The following CAND2 variants were observed in gnomAD, a reference collection of about 807,000 sequenced individuals.
The protein encoded by CAND2 is cullin-associated NEDD8-dissociated protein 2.
Under a neutral mutation model 98.9 loss-of-function variants are expected in CAND2, and 62 were observed. The ratio of observed to expected loss-of-function variants is 0.63; its 90% CI spans 0.51 to 0.77. The LOEUF (loss-of-function observed/expected upper bound fraction) is 0.77, where lower values mean the gene tolerates loss of function less well. CAND2 is among the 30% of genes least tolerant of loss of function. The pLI, the probability that CAND2 is intolerant of heterozygous loss-of-function variation, is 0.00. For missense variants in CAND2, 1,501 were observed against 1,655.2 expected (o/e 0.91, Z 1.62); for synonymous variants, 770 against 731.9 (o/e 1.05, Z -0.84).
chr3:12,811,202 G>T (rs1166239105), intron 5 of CAND2, among the ~76,000 whole-genome samples: 1 of 152,172 alleles, frequency 6.6e-6, no homozygotes, highest in Non-Finnish European at 1.5e-5. Flanking sequence ...AGCCATCCTT[G>T]GTTGCATGGA....
chr3:12,817,162 C>T lies in CAND2; in HGVS notation c.2230C>T (p.Leu744=), dbSNP rs878990949. 1 of 1,612,792 alleles carries T rather than the reference C, an allele frequency of 6.2e-7. No individual in the cohort carries two copies. Among genetic ancestry groups the T allele is most frequent in the Non-Finnish European group, 8.5e-7 (1 of 1,179,958 alleles). ...GPVLSELLRL[L]RSPLLPAGVL... is the part of the protein sequence containing the mutation. ...TGTGCTCTCAGAGCTGCTGCGGCTG[C>T]TGCGTTCGCCCCTGTTGCCAGCCGG... The change falls in exon 10 of 15, where the codon CTG becomes TTG. Residue 744 remains leucine, a synonymous_variant. Coordinates refer to ENST00000456430, the MANE Select transcript of CAND2 (RefSeq NM_001162499.2).
intron 13 of CAND2, among the ~76,000 whole-genome samples, chr3:12,830,001 C>T (rs2062040015): frequency 6.6e-6 from 1 of 152,156 alleles, no homozygotes; most frequent in Admixed American, 6.5e-5. Flanking sequence ...ACGGTGTGAT[C>T]GGTGGGCTTC....
intron 3 of CAND2, among the ~76,000 whole-genome samples, chr3:12,807,773 G>A (rs2124841098): frequency 6.6e-6 from 1 of 152,302 alleles, no homozygotes; most frequent in Admixed American, 6.5e-5. Flanking sequence ...TCATTTAGTG[G>A]CTCAATGTTG....
In CAND2 at chr3:12,813,325, A is replaced by T. The variant is rs749406971; in HGVS notation, c.943A>T (p.Asn315Tyr). ...LQYIKHDPNYNYDSDEDEEQM... is the reference protein window; with the variant it reads ...LQYIKHDPNYYYDSDEDEEQM... Reference sequence around the variant, plus strand: ...ATACATAAAACACGACCCCAACTACAACTACGACAGTGATGAGGATGAGGA... The same window carrying T: ...ATACATAAAACACGACCCCAACTACTACTACGACAGTGATGAGGATGAGGA... The change falls in exon 7 of 15, where the codon AAC (asparagine) becomes TAC (tyrosine). Residue 315 changes from asparagine to tyrosine, a missense_variant. Transcript: ENST00000456430. 2.5e-6 allele frequency: 4 copies of T among 1,614,160 alleles called. No homozygotes were observed. Among genetic ancestry groups the T allele is most frequent in the Non-Finnish European group, 3.4e-6 (4 of 1,180,030 alleles).
Position 12,815,270 on chromosome 3 carries a change from C to T in CAND2, c.1136C>T (p.Pro379Leu). 1 of 1,613,972 alleles carries T rather than the reference C, an allele frequency of 6.2e-7. No individual in the cohort carries two copies. The highest frequency in any genetic ancestry group is 8.5e-7 in the Non-Finnish European group (1 of 1,180,050). The change falls in exon 8 of 15, where the codon CCT becomes CTT. Residue 379 changes from proline to leucine, a missense_variant. Pro to Leu is a moderately conservative substitution (Grantham distance 98). Around this residue, in one of 3 missense-constraint regions of CAND2, gnomAD observed 1,427 missense variants for 1,545.3 expected, o/e 0.92. Coordinates refer to ENST00000456430, the MANE Select transcript of CAND2 (RefSeq NM_001162499.2). This position sits in a 1 kb window ranked among gnomAD's most constrained non-coding sequence, Gnocchi z 5.7. Reference protein sequence around the residue: ...LLPDFHCTLAPVLIRRFKERE... With the variant: ...LLPDFHCTLALVLIRRFKERE... ...CCCGATTTCCACTGCACCCTGGCAC[C>T]TGTGCTCATCCGCCGCTTCAAAGAA...
intron 4 of CAND2, among the ~76,000 whole-genome samples, chr3:12,809,212 G>A (rs1355099959): frequency 1.3e-5 from 2 of 152,012 alleles, no homozygotes; most frequent in Non-Finnish European, 2.9e-5. Context: ...GGTGCACTCC[G>A]GGAGCCAGCA....
intron 1 of CAND2, among the ~76,000 whole-genome samples, chr3:12,802,742 A>C (rs1439305111): frequency 6.6e-6 from 1 of 152,184 alleles, no homozygotes; most frequent in Non-Finnish European, 1.5e-5. Flanking sequence ...TGAGAAGTGC[A>C]TCCTTAGGCG....
At chr3:12,821,475 C>T (rs562288409) in intron 11 of CAND2, among the ~76,000 whole-genome samples, 1 of 152,194 alleles carries the variant, frequency 6.6e-6, no homozygotes, top group African/African-American at 2.4e-5. Flanking sequence ...AAGGGGCCAG[C>T]AGACGTGACC....
Position 12,817,594 on chromosome 3 carries a change from G to A in CAND2, c.2662G>A (p.Val888Met). ...RAAASYALGR[V>M]GAGSLPDFLP... Reference sequence around the variant, plus strand: ...TGCAGCCTCGTATGCACTGGGCCGTGTGGGTGCTGGCAGCCTGCCCGACTT... The same window carrying A: ...TGCAGCCTCGTATGCACTGGGCCGTATGGGTGCTGGCAGCCTGCCCGACTT... The change falls in exon 10 of 15, where the codon GTG becomes ATG. Residue 888 changes from valine (V) to methionine (M), a missense_variant. This residue lies in a region of CAND2 where 1,427 missense variants were observed against 1,545.3 expected (regional missense o/e 0.92). Transcript: ENST00000456430. 1 of 1,613,892 alleles carries A rather than the reference G, an allele frequency of 6.2e-7. No individual in the cohort carries two copies. Among genetic ancestry groups the A allele is most frequent in the Non-Finnish European group, 8.5e-7 (1 of 1,180,012 alleles).
At chr3:12,828,883 T>C (rs1489696862) in intron 13 of CAND2, among the ~76,000 whole-genome samples, 1 of 152,258 alleles carries the variant, frequency 6.6e-6, no homozygotes, top group Non-Finnish European at 1.5e-5. Flanking sequence ...GGTTCATCCA[T>C]GTTGCAGCAT....
Position 12,816,636 on chromosome 3 carries a change from A to G in CAND2, c.1704A>G (p.Gly568=). The change falls in exon 10 of 15, where the codon GGA becomes GGG. Residue 568 remains glycine, a synonymous_variant. Coordinates refer to ENST00000456430, the MANE Select transcript of CAND2 (RefSeq NM_001162499.2). ...PRMLDPEPYV[G]EMSAVTLARL... ...TGCTGGATCCTGAGCCATATGTTGG[A>G]GAGATGTCTGCTGTCACCCTGGCGC... 1 of 1,613,782 alleles carries G rather than the reference A, an allele frequency of 6.2e-7. No homozygotes were observed. The highest frequency in any genetic ancestry group is 1.1e-5 in the South Asian group (1 of 91,076).
intron 2 of CAND2, 47 bp from the exon 3 acceptor site, chr3:12,807,259 A>G (rs890036666): frequency 1.3e-6 from 2 of 1,529,476 alleles, no homozygotes; most frequent in South Asian, 2.4e-5. Flanking sequence ...AGCCTGACTC[A>G]GGCTGAACCT....
At position 12,817,587 on chromosome 3, in the gene CAND2, G is replaced by T. The variant is rs745744400; in HGVS notation, c.2655G>T (p.Leu885=). The T allele has an allele frequency of 7.4e-6, 12 of 1,613,788 alleles. No individual in the cohort carries two copies. Among genetic ancestry groups the T allele is most frequent in the Non-Finnish European group, 1.0e-5 (12 of 1,180,030 alleles). Residue 885 remains leucine, a synonymous_variant, in exon 10 of 15, where the codon CTG becomes CTT. Coordinates refer to ENST00000456430, the MANE Select transcript of CAND2 (RefSeq NM_001162499.2). The part of the protein sequence containing the change: ...EDVRAAASYA[L]GRVGAGSLPD... ...TGAGGGCTGCAGCCTCGTATGCACT[G>T]GGCCGTGTGGGTGCTGGCAGCCTGC... is the stretch of plus-strand genomic sequence containing the variant.
chr3:12,833,383 A>ATGCAC (rs1367958515), intron 14 of CAND2, among the ~76,000 whole-genome samples: 2 of 152,172 alleles, frequency 1.3e-5, no homozygotes, highest in Non-Finnish European at 2.9e-5. Flanking sequence ...ATATGGTGCT[A>ATGCAC]AGAGCTGGTT....
chr3:12,806,698 C>T (rs2061808716), intron 2 of CAND2, among the ~76,000 whole-genome samples: 2 of 152,174 alleles, frequency 1.3e-5, no homozygotes, highest in Non-Finnish European at 2.9e-5. Flanking sequence ...GCTGTTTTTA[C>T]ACTTTCCTGT....
At chr3:12,828,341 T>G (rs933428225) in intron 13 of CAND2, among the ~76,000 whole-genome samples, 38 of 149,702 alleles carry the variant, frequency 2.5e-4, no homozygotes, top group Non-Finnish European at 2.4e-4. Flanking sequence ...GAAGTGTTTT[T>G]TTTTTTTTTT....
rs757847648 is a variant in CAND2 at position 12,833,792 on chromosome 3, A to G, written c.3521A>G (p.Gln1174Arg). The G allele has an allele frequency of 6.2e-7, 1 of 1,614,212 alleles. No homozygotes were observed. ...TCTGTGAAGCAGGAGTTTGAAAAGCAAGATGAACTGAAGCGCTCTGCAATG... is the reference window on the plus strand; with the variant it reads ...TCTGTGAAGCAGGAGTTTGAAAAGCGAGATGAACTGAAGCGCTCTGCAATG... The part of the protein sequence containing the change: ...AGSVKQEFEK[Q>R]DELKRSAMRA... The change falls in exon 15 of 15, where the codon CAA becomes CGA. Residue 1174 changes from glutamine to arginine, a missense_variant. Gln to Arg is a conservative substitution (Grantham distance 43). Transcript: ENST00000456430.
At chr3:12,825,427 C>T (rs754189932) in intron 11 of CAND2, 43 bp from the exon 12 acceptor site, 3 of 1,527,716 alleles carry the variant, frequency 2.0e-6, no homozygotes, top group Non-Finnish European at 2.7e-6. Flanking sequence ...TGACTTTGTG[C>T]TTTGGCTGTG....
At position 12,815,313 on chromosome 3, in the gene CAND2, G is replaced by A. The variant is rs2061888774; in HGVS notation, c.1179G>A (p.Lys393=). 1.2e-6 allele frequency: 2 copies of A among 1,613,888 alleles called. No homozygotes were observed. Among genetic ancestry groups the A allele is most frequent in the African/African-American group, 2.7e-5 (2 of 74,932 alleles). ...TCAAAGAACGCGAGGAGAACGTCAA[G>A]GCTGACGTCTTCACTGCTTACATCG... ...RRFKEREENV[K]ADVFTAYIVL... Residue 393 remains lysine (K), a synonymous_variant, in exon 8 of 15, where the codon AAG becomes AAA. Transcript: ENST00000456430. This position sits in a 1 kb window ranked among gnomAD's most constrained non-coding sequence, Gnocchi z 5.7.
Sources: gnomAD v4.1 joint callset for allele counts (sites outside exome capture counted in the v4.1 genomes callset) on GRCh38, gnomAD v4.1.1 for gene constraint, gnomAD v4.1.1 regional missense constraint, Gnocchi (gnomAD v3.1) non-coding constraint, MANE v1.5 for transcripts, NCBI Gene and HGNC (gene_info 2026-07-23, HGNC 2026-07-21) for gene names.